WDR7: variants seen among roughly 807,000 people sequenced by gnomAD.
WDR7 encodes the protein WD repeat domain 7, also known as WD repeat-containing protein 7.
Under a neutral mutation model 169.4 loss-of-function variants are expected in WDR7, and 46 were observed. The ratio of observed to expected loss-of-function variants is 0.27; its 90% CI spans 0.21 to 0.35. The LOEUF is 0.35. WDR7 is among the 10% of genes least tolerant of loss of function. The pLI is 1.00. For missense variants in WDR7, 1,534 were observed against 1,859.3 expected (o/e 0.83, Z 3.22); for synonymous variants, 612 against 666.8 (o/e 0.92, Z 1.27).
intron 19 of WDR7, among the ~76,000 whole-genome samples, chr18:56,807,701 A>G (rs180754173): frequency 0.012 from 1,820 of 152,202 alleles, 24 homozygotes; most frequent in Non-Finnish European, 0.015. Context: ...AGTTAGGAAA[A>G]AATGTATTTC....
intron 16 of WDR7, among the ~76,000 whole-genome samples, chr18:56,765,751 A>G: frequency 6.6e-6 from 1 of 152,128 alleles, no homozygotes; most frequent in Non-Finnish European, 1.5e-5. Flanking sequence ...TTCTAACAAA[A>G]GGACTTACTT....
chr18:56,681,462 T>C (rs548644680), intron 4 of WDR7, 71 bp downstream of exon 4: 1 of 1,007,076 alleles, frequency 9.9e-7, no homozygotes, highest in Non-Finnish European at 1.4e-6. Flanking sequence ...TTTTAAAACA[T>C]TGAGCCTATA....
chr18:56,691,940 A>G, intron 9 of WDR7, 123 bp downstream of exon 9: 1 of 654,560 alleles, frequency 1.5e-6, no homozygotes. Context: ...GTTAAATGTA[A>G]AACATTTTGA....
rs370790953 is a variant in WDR7, at chr18:56,964,209, C to CAAA, written c.4164+1696_4164+1698dup. 4.8e-3 allele frequency among the ~76,000 whole-genome samples: 328 copies of CAAA among 68,700 alleles called. 2 individuals carry two copies. Among genetic ancestry groups the CAAA allele is most frequent in the Admixed American group, 8.4e-3 (51 of 6,042 alleles). 45.1% of individuals were successfully genotyped at this position (68,700 alleles called of 152,430 possible). A position where few individuals can be genotyped will look rare whatever the true frequency, so the allele number is the denominator to read the frequency against. Reference sequence around the variant, plus strand: ...TCTCAGTGAAGATCTTGGTAACATGCAAAAAAAAAAAAAAAAAAGAATATT... The same window carrying CAAA: ...TCTCAGTGAAGATCTTGGTAACATGCAAAAAAAAAAAAAAAAAAAAAGAATATT... On this transcript the variant is annotated intron_variant, in intron 26 of 27. Coordinates refer to ENST00000254442, the MANE Select transcript of WDR7 (RefSeq NM_015285.3).
chr18:56,961,573 C>T (rs1568288143), intron 25 of WDR7, among the ~76,000 whole-genome samples: 1 of 152,112 alleles, frequency 6.6e-6, no homozygotes, highest in African/African-American at 2.4e-5. Context: ...TTATACTTCT[C>T]ATAATTTTTA....
At chr18:56,699,266 G>C (rs868757177) in intron 12 of WDR7, among the ~76,000 whole-genome samples, 6 of 152,286 alleles carry the variant, frequency 3.9e-5, no homozygotes, top group Middle Eastern at 3.4e-3. Flanking sequence ...AGCAGAGTTT[G>C]ATGTTTGCTA....
At chr18:56,756,400 G>A (rs1326556043) in intron 14 of WDR7, among the ~76,000 whole-genome samples, 183 bp from the exon 15 acceptor site, 3 of 152,132 alleles carry the variant, frequency 2.0e-5, no homozygotes, top group Non-Finnish European at 4.4e-5. Flanking sequence ...TTCTAATTGT[G>A]TAAGCTGATA....
At chr18:56,918,223 G>A (rs2046655400) in intron 21 of WDR7, among the ~76,000 whole-genome samples, 2 of 152,158 alleles carry the variant, frequency 1.3e-5, no homozygotes, top group African/African-American at 4.8e-5. Context: ...AAACACCACT[G>A]ATTTGATAAC....
chr18:56,889,221 A>G (rs913749810), intron 21 of WDR7, among the ~76,000 whole-genome samples: 1 of 152,236 alleles, frequency 6.6e-6, no homozygotes, highest in African/African-American at 2.4e-5. Flanking sequence ...CCTCTGCAGC[A>G]TGCTACTAAA....
intron 26 of WDR7, among the ~76,000 whole-genome samples, chr18:56,986,126 CTTTGTGTG>C (rs1281972114): frequency 4.1e-5 from 5 of 123,162 alleles, no homozygotes; most frequent in Non-Finnish European, 6.7e-5. Flanking sequence ...ATTTCAGCTT[CTTTGTGTG>C]TGTGTGTGTG....
At chr18:56,908,013 G>A (rs772877124) in intron 21 of WDR7, among the ~76,000 whole-genome samples, 10 of 152,064 alleles carry the variant, frequency 6.6e-5, no homozygotes, top group Non-Finnish European at 1.3e-4. Flanking sequence ...GGGTGGGAGT[G>A]TATTCTCTTT....
chr18:57,012,105 G>A (rs1192663534), intron 26 of WDR7, among the ~76,000 whole-genome samples: 1 of 152,088 alleles, frequency 6.6e-6, no homozygotes, highest in Admixed American at 6.5e-5. Flanking sequence ...ATCAACACAG[G>A]TGCCTTCCTC....
chr18:56,776,147 A>AT lies in WDR7; in HGVS notation c.2849-626dup, dbSNP rs901788361. ...TATAAGAAATATAAAATTCACAAAA[A>AT]TTTTTTTTTAGCATAGGGAGTATTT... is the stretch of plus-strand genomic sequence containing the variant. On this transcript the variant is annotated intron_variant, in intron 16 of 27. Transcript: ENST00000254442. Among the ~76,000 whole-genome samples the AT allele has an allele frequency of 1.9e-4, 29 of 151,344 alleles. No homozygotes were observed. In the South Asian group the frequency reaches 3.6e-3, roughly 19 times the overall value.
intron 19 of WDR7, among the ~76,000 whole-genome samples, chr18:56,797,592 A>G (rs778517721): frequency 2.0e-5 from 3 of 152,104 alleles, no homozygotes; most frequent in Non-Finnish European, 2.9e-5. Flanking sequence ...GTTAATTTTG[A>G]TTGAACACAA....
chr18:56,681,067 C>T (rs2025342034), intron 3 of WDR7, among the ~76,000 whole-genome samples: 1 of 151,966 alleles, frequency 6.6e-6, no homozygotes, highest in South Asian at 2.1e-4. Context: ...AAAACGGAAC[C>T]AGGAAATGCA....
chr18:56,718,631 T>C (rs1269052548), intron 13 of WDR7, among the ~76,000 whole-genome samples: 3 of 152,136 alleles, frequency 2.0e-5, no homozygotes, highest in Admixed American at 2.0e-4. Context: ...GTATTGGGGG[T>C]ATAATGTAGA....
Position 56,931,442 on chromosome 18 carries a change from A to G in WDR7, c.3714-4346A>G, listed in dbSNP as rs1599168108. ...TTGCTTTGACTTCATTGCCTGGTCA[A>G]TTCAGTCCAATAGCTAGCTTAAATG... is the stretch of plus-strand genomic sequence containing the variant. On this transcript the variant is annotated intron_variant, in intron 22 of 27. Coordinates refer to ENST00000254442, the MANE Select transcript of WDR7 (RefSeq NM_015285.3). 2.6e-5 allele frequency among the ~76,000 whole-genome samples: 4 copies of G among 152,314 alleles called. No individual in the cohort carries two copies. The South Asian group carries it at 8.3e-4, about 32-fold the overall frequency.
intron 12 of WDR7, among the ~76,000 whole-genome samples, chr18:56,713,634 G>T (rs2026130490): frequency 6.6e-6 from 1 of 152,062 alleles, no homozygotes; most frequent in Non-Finnish European, 1.5e-5. Flanking sequence ...TAATGCCATT[G>T]GTGTTAAATC....
At chr18:56,663,338 CA>C (rs2024945514) in intron 1 of WDR7, among the ~76,000 whole-genome samples, 1 of 152,010 alleles carries the variant, frequency 6.6e-6, no homozygotes, top group African/African-American at 2.4e-5. Context: ...TGAGGGAAAA[CA>C]TTATAAAAAG....
Sources: gnomAD v4.1 joint callset for allele counts (sites outside exome capture counted in the v4.1 genomes callset) on GRCh38, gnomAD v4.1.1 for gene constraint, MANE v1.5 for transcripts, NCBI Gene and HGNC (gene_info 2026-07-23, HGNC 2026-07-21) for gene names.